Variants in APBB2 observed in about 807,000 individuals in gnomAD.
The protein encoded by APBB2 is Fe65-like 1.
Under a neutral mutation model 82.5 loss-of-function variants are expected in APBB2, and 38 were observed. That is an observed-to-expected ratio of 0.46 (90% confidence interval 0.36 to 0.60). APBB2 has a LOEUF of 0.60. Among genes scored for constraint, APBB2 ranks in the 20% least tolerant of loss-of-function variants. The pLI, the probability that APBB2 is intolerant of heterozygous loss-of-function variation, is 0.00. For missense variants in APBB2, 772 were observed against 972.3 expected (o/e 0.79, Z 2.74); for synonymous variants, 341 against 368.2 (o/e 0.93, Z 0.85).
At chr4:40,833,174 A>C (rs1414107244) in intron 12 of APBB2, among the ~76,000 whole-genome samples, 1 of 151,948 alleles carries the variant, frequency 6.6e-6, no homozygotes, top group Admixed American at 6.6e-5. Context: ...CCGGCACACA[A>C]CTCCAATCCT....
At chr4:41,062,233 C>T (rs1560648049) in intron 4 of APBB2, among the ~76,000 whole-genome samples, 1 of 151,910 alleles carries the variant, frequency 6.6e-6, no homozygotes, top group Non-Finnish European at 1.5e-5. Flanking sequence ...AGTGCAATGC[C>T]ACAATCCTGG....
At chr4:41,190,287 C>T (rs755822458) in intron 1 of APBB2, among the ~76,000 whole-genome samples, 2 of 114,066 alleles carry the variant, frequency 1.8e-5, no homozygotes, top group East Asian at 2.3e-4. Context: ...AGTCTTGTTC[C>T]GTCGCCCAGG....
At chr4:40,925,554 C>T (rs1782412464) in intron 10 of APBB2, among the ~76,000 whole-genome samples, 1 of 152,180 alleles carries the variant, frequency 6.6e-6, no homozygotes, top group Non-Finnish European at 1.5e-5. Flanking sequence ...CAATAAACGT[C>T]TCTGACTCAA....
intron 1 of APBB2, among the ~76,000 whole-genome samples, chr4:41,201,973 G>T (rs1474581976): frequency 6.6e-6 from 1 of 152,156 alleles, no homozygotes; most frequent in East Asian, 1.9e-4. Context: ...CAGCTCCTGG[G>T]GTCTGTGACT....
At chr4:41,159,643 T>C (rs938513330) in intron 1 of APBB2, among the ~76,000 whole-genome samples, 1 of 152,182 alleles carries the variant, frequency 6.6e-6, no homozygotes, top group Admixed American at 6.5e-5. Flanking sequence ...TCAATTCTTA[T>C]AGAGATATTA....
intron 1 of APBB2, among the ~76,000 whole-genome samples, chr4:41,206,086 A>G (rs1256859500): frequency 2.6e-5 from 4 of 152,150 alleles, no homozygotes; most frequent in Non-Finnish European, 4.4e-5. Context: ...TTCCCCAGTG[A>G]GCAAAACTGT....
chr4:40,893,686 C>T (rs368018865), intron 10 of APBB2, among the ~76,000 whole-genome samples: 3 of 152,254 alleles, frequency 2.0e-5, no homozygotes, highest in South Asian at 4.2e-4. Context: ...AGGCCAGGTG[C>T]GGTGGCTTAC....
chr4:41,192,480 T>G (rs1056202387), intron 1 of APBB2, among the ~76,000 whole-genome samples: 3 of 152,200 alleles, frequency 2.0e-5, no homozygotes, highest in Non-Finnish European at 4.4e-5. Flanking sequence ...ATCTTGCCAT[T>G]GGCCACAACA....
At chr4:40,962,947 C>T (rs1793679557) in intron 6 of APBB2, among the ~76,000 whole-genome samples, 1 of 152,206 alleles carries the variant, frequency 6.6e-6, no homozygotes, top group South Asian at 2.1e-4. Flanking sequence ...GAGAAAAACG[C>T]TCTTGAAGCG....
In APBB2 at chr4:40,935,145, CAT is replaced by C; in HGVS notation, c.1045-8_1045-7del. On this transcript the variant is annotated splice_region_variant and splice_polypyrimidine_tract_variant and intron_variant, in intron 7 of 17. Transcript: ENST00000508593. ...AAATCACTCCATGGCTGTTTCTAGA[CAT>C]ATAATTATTCACATAGGAAAAAAGC... is the stretch of plus-strand genomic sequence containing the variant. 6.6e-7 allele frequency: 1 copy of C among 1,505,366 alleles called. No individual in the cohort carries two copies. The highest frequency in any genetic ancestry group is 8.9e-7 in the Non-Finnish European group (1 of 1,126,706). The allele number at this position is 1,505,366 out of a possible 1,614,324, so 93.3% of individuals were successfully genotyped here. A position where few individuals can be genotyped will look rare whatever the true frequency, so the allele number is the denominator to read the frequency against.
chr4:40,887,055 A>T (rs1461765487), intron 12 of APBB2, among the ~76,000 whole-genome samples: 2 of 152,192 alleles, frequency 1.3e-5, no homozygotes, highest in African/African-American at 2.4e-5. Context: ...GTTGTGCGAC[A>T]ACCAAAACCC....
At chr4:40,821,026 G>A (rs1164552554) in intron 17 of APBB2, among the ~76,000 whole-genome samples, 4 of 152,044 alleles carry the variant, frequency 2.6e-5, no homozygotes, top group Admixed American at 2.6e-4. Context: ...GCGCCACCAC[G>A]CTGGCTAATT....
intron 5 of APBB2, among the ~76,000 whole-genome samples, chr4:41,030,660 G>A (rs886493269): frequency 1.3e-5 from 2 of 151,980 alleles, no homozygotes; most frequent in Admixed American, 6.6e-5. Flanking sequence ...CTAGACTTAC[G>A]GGCAAGCCTG....
At chr4:40,816,593 A>C (rs1745748933) in intron 17 of APBB2, among the ~76,000 whole-genome samples, 1 of 152,142 alleles carries the variant, frequency 6.6e-6, no homozygotes, top group Non-Finnish European at 1.5e-5. Context: ...TGTTAATTAC[A>C]TTTTTCATCA....
intron 10 of APBB2, among the ~76,000 whole-genome samples, chr4:40,908,909 A>C (rs1336432450): frequency 1.3e-5 from 2 of 152,216 alleles, no homozygotes; most frequent in African/African-American, 2.4e-5. Context: ...GGAGGCAAGG[A>C]GGCCTATGGA....
At position 40,810,960 on chromosome 4, in the gene APBB2, C is replaced by T. The variant is rs531143769; in HGVS notation, c.*5132G>A. On this transcript the variant is annotated 3_prime_UTR_variant, in exon 18 of 18. Transcript: ENST00000508593. ...ACCAGACTGAAAAGTATTCCATTGT[C>T]CAGAAGTAGCTGGTCTTGAGATTTT... The T allele has an allele frequency of 1.3e-4, 20 of 152,224 alleles. No homozygotes were observed. Among genetic ancestry groups the T allele is most frequent in the Admixed American group, 7.2e-4 (11 of 15,300 alleles). 9.4% of individuals were successfully genotyped at this position (152,224 alleles called of 1,614,324 possible).
chr4:41,059,694 C>T (rs957547761), intron 4 of APBB2, among the ~76,000 whole-genome samples: 3 of 152,220 alleles, frequency 2.0e-5, no homozygotes, highest in Non-Finnish European at 4.4e-5. Context: ...TTAAGTGATA[C>T]TTTTAGTTAA....
intron 6 of APBB2, among the ~76,000 whole-genome samples, chr4:40,956,717 TCTTTGAAATAGGAAGCTATTTGTAG>T (rs1791731535): frequency 6.6e-6 from 1 of 152,204 alleles, no homozygotes; most frequent in Non-Finnish European, 1.5e-5. Flanking sequence ...TTTCTGAGTA[TCTTTGAAATAGGAAGCTATTTGTAG>T]CTGAGGATTT....
chr4:41,145,357 T>C (rs1200581359), intron 1 of APBB2, among the ~76,000 whole-genome samples: 1 of 152,152 alleles, frequency 6.6e-6, no homozygotes, highest in Non-Finnish European at 1.5e-5. Context: ...AAAGCAGGAA[T>C]GAGAGTCCAG....
Sources: gnomAD v4.1 joint callset for allele counts (sites outside exome capture counted in the v4.1 genomes callset) on GRCh38, gnomAD v4.1.1 for gene constraint, MANE v1.5 for transcripts, NCBI Gene and HGNC (gene_info 2026-07-23, HGNC 2026-07-21) for gene names.